ZGRF1: variants seen among roughly 807,000 people sequenced by gnomAD.
ZGRF1 encodes the protein zinc finger GRF-type containing 1.
In ZGRF1, 196 loss-of-function variants were observed where a neutral mutation model predicts 203.5. The ratio of observed to expected loss-of-function variants is 0.96; its 90% CI spans 0.86 to 1.08. The LOEUF is 1.08. Among genes scored for constraint, ZGRF1 ranks in the 50% least tolerant of loss-of-function variants. The pLI, the probability that ZGRF1 is intolerant of heterozygous loss-of-function variation, is 0.00. For missense variants in ZGRF1, 2,326 were observed against 2,416.3 expected (o/e 0.96, Z 0.78); for synonymous variants, 809 against 841.3 (o/e 0.96, Z 0.66).
intron 23 of ZGRF1, 24 bp from the exon 24 acceptor site, chr4:112,547,432 AT>A (rs1739035485): frequency 6.3e-7 from 1 of 1,588,694 alleles, no homozygotes; most frequent in Non-Finnish European, 8.5e-7. Flanking sequence ...TCAAAAATTA[AT>A]CTAAGCAATT....
intron 10 of ZGRF1, among the ~76,000 whole-genome samples, chr4:112,595,218 T>C (rs1748801584): frequency 6.6e-6 from 1 of 152,238 alleles, no homozygotes; most frequent in Non-Finnish European, 1.5e-5. Flanking sequence ...TGCCTGTACA[T>C]GTGCAAATGT....
At chr4:112,583,934 C>A in intron 15 of ZGRF1, 44 bp downstream of exon 15, 1 of 1,248,664 alleles carries the variant, frequency 8.0e-7, no homozygotes, top group Non-Finnish European at 1.1e-6. Context: ...GGCTGTTGTT[C>A]TCTTATATAA....
Position 112,609,722 on chromosome 4 carries a change from C to T in ZGRF1, c.2668-293G>A, listed in dbSNP as rs138243425. Among the ~76,000 whole-genome samples the T allele has an allele frequency of 0.029, 4,416 of 151,700 alleles. 74 individuals are homozygous for T. Among genetic ancestry groups the T allele is most frequent in the Non-Finnish European group, 0.04 (2,682 of 67,878 alleles). On this transcript the variant is annotated intron_variant, in intron 7 of 27. Coordinates refer to ENST00000505019, the MANE Select transcript of ZGRF1 (RefSeq NM_018392.5). ...CTTAGGCAGGAGAATCACTTGAACC[C>T]GGGAGGAGGAGGTTGCAGTGGGCCA... is the stretch of plus-strand genomic sequence containing the variant.
At chr4:112,607,816 C>T (rs1057077049) in intron 8 of ZGRF1, 12 of 152,386 alleles carry the variant, frequency 7.9e-5, no homozygotes, top group African/African-American at 2.9e-4. Flanking sequence ...TACTGTGCAC[C>T]TGTGGTCCCA....
intron 16 of ZGRF1, among the ~76,000 whole-genome samples, chr4:112,575,874 G>C (rs1578329984): frequency 6.6e-6 from 1 of 152,194 alleles, no homozygotes; most frequent in East Asian, 1.9e-4. Context: ...CAAACAAAAG[G>C]CAACAGACAC....
At chr4:112,564,848 G>A (rs974195526) in intron 16 of ZGRF1, 4 of 592,746 alleles carry the variant, frequency 6.7e-6, no homozygotes, top group Non-Finnish European at 1.2e-5. Flanking sequence ...TTCCTTCGAA[G>A]GTCACATTAT....
chr4:112,541,836 C>T (rs1045717736), intron 24 of ZGRF1, among the ~76,000 whole-genome samples: 1 of 151,904 alleles, frequency 6.6e-6, no homozygotes, highest in Non-Finnish European at 1.5e-5. Context: ...CAACATTATG[C>T]TTTTATAATA....
intron 24 of ZGRF1, chr4:112,546,651 G>A (rs896407661): frequency 3.3e-5 from 5 of 152,308 alleles, no homozygotes; most frequent in Admixed American, 6.5e-5. Flanking sequence ...GGATGGATTT[G>A]TGAATGGATT....
intron 16 of ZGRF1, among the ~76,000 whole-genome samples, chr4:112,564,630 A>G (rs962415604): frequency 7.9e-5 from 12 of 152,162 alleles, no homozygotes; most frequent in African/African-American, 1.9e-4. Flanking sequence ...TTAACTGTAT[A>G]TATTTCTTTA....
chr4:112,545,412 T>G (rs766808787), intron 24 of ZGRF1, among the ~76,000 whole-genome samples: 1 of 152,158 alleles, frequency 6.6e-6, no homozygotes, highest in Non-Finnish European at 1.5e-5. Context: ...ATCATTAGTC[T>G]TTAGGGAAAC....
intron 19 of ZGRF1, among the ~76,000 whole-genome samples, chr4:112,560,076 T>C (rs1244111386): frequency 6.6e-6 from 1 of 152,060 alleles, no homozygotes; most frequent in African/African-American, 2.4e-5. Context: ...GTCAACAGGG[T>C]GGATATGACA....
chr4:112,577,845 C>A (rs1208113633), intron 16 of ZGRF1, among the ~76,000 whole-genome samples: 2 of 121,418 alleles, frequency 1.6e-5, no homozygotes. Flanking sequence ...ACTTTAACAC[C>A]CCACTGTCAA....
intron 16 of ZGRF1, among the ~76,000 whole-genome samples, chr4:112,580,076 G>GCATGGTACTGGTACC (rs1745940833): frequency 8.2e-6 from 1 of 122,316 alleles, no homozygotes; most frequent in African/African-American, 2.8e-5. Context: ...TACCAAAACA[G>GCATGGTACTGGTACC]AGATATAGAC....
chr4:112,574,012 T>C (rs1744691902), intron 16 of ZGRF1, among the ~76,000 whole-genome samples: 1 of 152,222 alleles, frequency 6.6e-6, no homozygotes, highest in Non-Finnish European at 1.5e-5. Flanking sequence ...TAAGATCTCT[T>C]ATACTTAGAA....
Position 112,586,515 on chromosome 4 carries a change from C to T in ZGRF1, c.3846G>A (p.Arg1282=). 7 of 1,613,076 alleles carry T rather than the reference C, an allele frequency of 4.3e-6. No homozygotes were observed. Among genetic ancestry groups the T allele is most frequent in the Admixed American group, 1.7e-5 (1 of 59,900 alleles). ...GAAAAACAGCTGGTATGTGAATTTG[C>T]CTTTGGGGAAGATAAGCAGATTTTA... ...QKIKSAYLPQ[R]QIHIPAVFQS... Residue 1282 remains arginine, a synonymous_variant, in exon 13 of 28, where the codon AGG becomes AGA. Transcript: ENST00000505019.
chr4:112,572,074 A>G (rs773176106), intron 16 of ZGRF1, among the ~76,000 whole-genome samples: 33 of 152,174 alleles, frequency 2.2e-4, no homozygotes, highest in Non-Finnish European at 7.3e-5. Context: ...ATTGGTAATT[A>G]AAAAGAAAAA....
intron 7 of ZGRF1, among the ~76,000 whole-genome samples, chr4:112,611,728 T>C (rs1305115176): frequency 6.6e-6 from 1 of 152,258 alleles, no homozygotes; most frequent in East Asian, 1.9e-4. Flanking sequence ...GACATCTGTC[T>C]GACACCTAAT....
chr4:112,554,117 T>G (rs945398389), intron 21 of ZGRF1, 135 bp from the exon 22 acceptor site: 2 of 666,850 alleles, frequency 3.0e-6, no homozygotes, highest in African/African-American at 3.7e-5. Flanking sequence ...GTTTGTTACA[T>G]ATGTATACAT....
intron 24 of ZGRF1, among the ~76,000 whole-genome samples, chr4:112,543,927 A>T (rs549486840): frequency 2.6e-5 from 4 of 152,078 alleles, no homozygotes; most frequent in African/African-American, 4.8e-5. Flanking sequence ...ACCTCAAGTG[A>T]TCCTCCCACC....
Sources: gnomAD v4.1 joint callset for allele counts (sites outside exome capture counted in the v4.1 genomes callset) on GRCh38, gnomAD v4.1.1 for gene constraint, MANE v1.5 for transcripts, NCBI Gene and HGNC (gene_info 2026-07-23, HGNC 2026-07-21) for gene names.